The following KCNA2 variants were observed in gnomAD, a reference collection of about 807,000 sequenced individuals.
The protein encoded by KCNA2 is potassium channel, voltage gated shaker related subfamily A, member 2.
Under a neutral mutation model 33.4 loss-of-function variants are expected in KCNA2, and 11 were observed. That is an observed-to-expected ratio of 0.33 (90% CI 0.21 to 0.55). The LOEUF (loss-of-function observed/expected upper bound fraction) is 0.55, where lower values mean the gene tolerates loss of function less well. Among genes scored for constraint, KCNA2 ranks in the 20% least tolerant of loss-of-function variants. KCNA2 has a pLI of 0.93. For missense variants in KCNA2, 291 were observed against 621.6 expected, an observed-to-expected ratio of 0.47 and a Z score of 5.66; for synonymous variants, 222 against 231.3, an observed-to-expected ratio of 0.96 and a Z score of 0.37.
chr1:110,601,960 A>G lies in KCNA2; in HGVS notation c.*1323T>C. 2.0e-6 allele frequency: 3 copies of G among 1,508,012 alleles called. No homozygotes were observed. The highest frequency in any genetic ancestry group is 1.8e-6 in the Non-Finnish European group (2 of 1,125,592). 93.4% of individuals were successfully genotyped at this position (1,508,012 alleles called of 1,614,324 possible). A position where few individuals can be genotyped will look rare whatever the true frequency, so the allele number is the denominator to read the frequency against. The stretch of plus-strand genomic sequence containing the variant: ...GTTCAAATGCAATTTCTTTTCTATC[A>G]CTAGCTAGGTAGAGGAACGCGTGAA... On this transcript the variant is annotated 3_prime_UTR_variant, in exon 3 of 3. Transcript: ENST00000316361.
At chr1:110,626,558 T>C (rs1650396961) in intron 1 of KCNA2, among the ~76,000 whole-genome samples, 2 of 152,182 alleles carry the variant, frequency 1.3e-5, no homozygotes, top group Admixed American at 1.3e-4. Context: ...ATTTATTATT[T>C]TGGTTTTTTG....
chr1:110,600,359 C>T lies in KCNA2; in HGVS notation c.*2924G>A. 1.0e-6 allele frequency: 1 copy of T among 983,690 alleles called. No homozygotes were observed. The highest frequency in any genetic ancestry group is 4.7e-5 in the South Asian group (1 of 21,152). 60.9% of individuals were successfully genotyped at this position (983,690 alleles called of 1,614,324 possible). A position where few individuals can be genotyped will look rare whatever the true frequency, so the allele number is the denominator to read the frequency against. On this transcript the variant is annotated 3_prime_UTR_variant, in exon 3 of 3. Coordinates refer to ENST00000316361, the MANE Select transcript of KCNA2 (RefSeq NM_004974.4). ...TATCTTATATGCATATGCATTTTGT[C>T]CATGTAGTTTTTTATGTATTTTGCA...
At position 110,598,984 on chromosome 1, in the gene KCNA2, G is replaced by A; in HGVS notation, c.*4299C>T. 1 of 985,408 alleles carries A rather than the reference G, an allele frequency of 1.0e-6. No homozygotes were observed. The highest frequency in any genetic ancestry group is 1.2e-6 in the Non-Finnish European group (1 of 829,936). 61.0% of individuals were successfully genotyped at this position (985,408 alleles called of 1,614,324 possible). A position where few individuals can be genotyped will look rare whatever the true frequency, so the allele number is the denominator to read the frequency against. ...AAATGAATCCACAGAGGCACTTGATGAAGCCAACAGGAATGGTACCTTGAC... is the reference window on the plus strand; with the variant it reads ...AAATGAATCCACAGAGGCACTTGATAAAGCCAACAGGAATGGTACCTTGAC... On this transcript the variant is annotated 3_prime_UTR_variant, in exon 3 of 3. Coordinates refer to ENST00000316361, the MANE Select transcript of KCNA2 (RefSeq NM_004974.4).
rs1649419157 is a variant in KCNA2, at chr1:110,602,847, C to T, written c.*436G>A. The T allele has an allele frequency of 1.0e-6, 1 of 1,003,710 alleles. No homozygotes were observed. Among genetic ancestry groups the T allele is most frequent in the African/African-American group, 1.7e-5 (1 of 57,642 alleles). 62.2% of individuals were successfully genotyped at this position (1,003,710 alleles called of 1,614,324 possible). Reference sequence around the variant, plus strand: ...ATGAGTATGACCTTTTGAACAAACACCAGCTATTTAAAGCTAAGCCATGAT... The same window carrying T: ...ATGAGTATGACCTTTTGAACAAACATCAGCTATTTAAAGCTAAGCCATGAT... On this transcript the variant is annotated 3_prime_UTR_variant, in exon 3 of 3. Transcript: ENST00000316361.
intron 1 of KCNA2, among the ~76,000 whole-genome samples, chr1:110,619,260 G>C (rs560503424): frequency 3.3e-5 from 5 of 152,218 alleles, no homozygotes; most frequent in African/African-American, 1.2e-4. Context: ...TCCTTTATGG[G>C]GCCTCTGCTT....
chr1:110,610,563 C>T (rs1649830774), upstream of KCNA2, among the ~76,000 whole-genome samples: 1 of 152,202 alleles, frequency 6.6e-6, no homozygotes, highest in Admixed American at 6.5e-5. Flanking sequence ...TACTGAAGCT[C>T]AGAGAGGACC....
At chr1:110,613,448 C>G (rs1053942232) in intron 1 of KCNA2, among the ~76,000 whole-genome samples, 1 of 152,258 alleles carries the variant, frequency 6.6e-6, no homozygotes, top group African/African-American at 2.4e-5. Flanking sequence ...CCAGCAAACA[C>G]CAGCAGATGC....
chr1:110,627,405 C>T (rs1650425925), intron 1 of KCNA2, among the ~76,000 whole-genome samples: 1 of 152,174 alleles, frequency 6.6e-6, no homozygotes, highest in South Asian at 2.1e-4. Context: ...ATCCACTGCC[C>T]ATGTTGAAGT....
Position 110,601,451 on chromosome 1 carries a change from G to A in KCNA2, c.*1832C>T, listed in dbSNP as rs1470380010. On this transcript the variant is annotated 3_prime_UTR_variant, in exon 3 of 3. Transcript: ENST00000316361. ...TAAGATCCAAGTGGCAAGGGAAGAG[G>A]TGAAAATGGAGATGATGAACAGGAT... The A allele has an allele frequency of 2.0e-6, 2 of 985,540 alleles. No individual in the cohort carries two copies. The highest frequency in any genetic ancestry group is 3.5e-5 in the African/African-American group (2 of 57,356). The allele number at this position is 985,540 out of a possible 1,614,324, so 61.0% of individuals were successfully genotyped here. A position where few individuals can be genotyped will look rare whatever the true frequency, so the allele number is the denominator to read the frequency against.
chr1:110,628,748 T>C (rs1650467325), intron 1 of KCNA2, among the ~76,000 whole-genome samples: 1 of 152,230 alleles, frequency 6.6e-6, no homozygotes, highest in African/African-American at 2.4e-5. Context: ...TTTGACACTC[T>C]AGACTTCCCA....
intron 1 of KCNA2, among the ~76,000 whole-genome samples, chr1:110,615,338 G>A (rs1438666202): frequency 6.6e-6 from 1 of 152,258 alleles, no homozygotes; most frequent in Admixed American, 6.5e-5. Context: ...GTAAACTCTT[G>A]TGTGGACAGG....
At chr1:110,618,424 C>T (rs144196352) in intron 1 of KCNA2, among the ~76,000 whole-genome samples, 2 of 152,286 alleles carry the variant, frequency 1.3e-5, no homozygotes, top group Non-Finnish European at 2.9e-5. Context: ...CTGACCTTGC[C>T]GTCCAGTTAG....
chr1:110,594,884 A>C lies in KCNA2; in HGVS notation c.*8399T>G. Reference sequence around the variant, plus strand: ...TCCTTGCCCTACACTTCATAGGCTAAAAAGGCAGTAATGTTAGCAGCTGAC... The same window carrying C: ...TCCTTGCCCTACACTTCATAGGCTACAAAGGCAGTAATGTTAGCAGCTGAC... On this transcript the variant is annotated 3_prime_UTR_variant, in exon 3 of 3. Transcript: ENST00000316361. 1 of 985,440 alleles carries C rather than the reference A, an allele frequency of 1.0e-6. No homozygotes were observed. The highest frequency in any genetic ancestry group is 1.2e-6 in the Non-Finnish European group (1 of 829,938). 61.0% of individuals were successfully genotyped at this position (985,440 alleles called of 1,614,324 possible).
chr1:110,623,842 A>G (rs571750807), intron 1 of KCNA2, among the ~76,000 whole-genome samples: 3 of 152,356 alleles, frequency 2.0e-5, no homozygotes, highest in Non-Finnish European at 4.4e-5. Context: ...ACTAATGGAT[A>G]ATAAGCACAT....
Position 110,603,892 on chromosome 1 carries a change from C to G in KCNA2, c.891G>C (p.Arg297=), listed in dbSNP as rs538914802. ...TGAAAATCCTAAAGACTCTTACCAA[C>G]CGGATGACACGGAGGATGGCCAGTG... is the stretch of plus-strand genomic sequence containing the variant. ...AMSLAILRVI[R]LVRVFRIFKL... Residue 297 remains arginine (R), a synonymous_variant, in exon 3 of 3, where the codon CGG becomes CGC. Coordinates refer to ENST00000316361, the MANE Select transcript of KCNA2 (RefSeq NM_004974.4). The surrounding 1 kb of genome is among the most constrained non-coding windows in gnomAD (Gnocchi z 5.7). The G allele has an allele frequency of 3.1e-6, 5 of 1,614,184 alleles. No individual in the cohort carries two copies. Among genetic ancestry groups the G allele is most frequent in the Non-Finnish European group, 4.2e-6 (5 of 1,180,022 alleles).
In KCNA2 at chr1:110,600,762, T is replaced by A; in HGVS notation, c.*2521A>T. Reference sequence around the variant, plus strand: ...CTTGGAAATTCAGCACCACCTCCCATGAAGGAGAGGAAGAGAAGCACAGAG... The same window carrying A: ...CTTGGAAATTCAGCACCACCTCCCAAGAAGGAGAGGAAGAGAAGCACAGAG... On this transcript the variant is annotated 3_prime_UTR_variant, in exon 3 of 3. Coordinates refer to ENST00000316361, the MANE Select transcript of KCNA2 (RefSeq NM_004974.4). The A allele has an allele frequency of 1.0e-6, 1 of 985,292 alleles. No homozygotes were observed. The highest frequency in any genetic ancestry group is 1.2e-6 in the Non-Finnish European group (1 of 829,850). The allele number at this position is 985,292 out of a possible 1,614,324, so 61.0% of individuals were successfully genotyped here.
intron 1 of KCNA2, among the ~76,000 whole-genome samples, chr1:110,620,053 CGAGA>C (rs3050013): frequency 0.025 from 3,154 of 126,724 alleles, 39 homozygotes; most frequent in Middle Eastern, 0.044. Context: ...AGAGCGAGAG[CGAGA>C]GAGAGAGAGA....
rs140532881 is a variant in KCNA2 at position 110,615,206 on chromosome 1, C to A, written c.-495-9484G>T. ...CCAAAGGCGACCTGTAAGATCACAG[C>A]AGGGCCCGCCTGCCACACACCACTT... On this transcript the variant is annotated intron_variant, in intron 1 of 4. Transcript: ENST00000369770. 1.0e-2 allele frequency among the ~76,000 whole-genome samples: 1,519 copies of A among 152,268 alleles called. 31 individuals carry two copies. Among genetic ancestry groups the A allele is most frequent in the African/African-American group, 0.035 (1,448 of 41,538 alleles).
At position 110,597,194 on chromosome 1, in the gene KCNA2, T is replaced by C. The variant is rs1463980827; in HGVS notation, c.*6089A>G. ...ATCTGCCCAGGCTACTGATCCCAAG[T>C]GCAAACCTCCAGGCCACATTCCCTC... is the stretch of plus-strand genomic sequence containing the variant. On this transcript the variant is annotated 3_prime_UTR_variant, in exon 3 of 3. Transcript: ENST00000316361. The C allele has an allele frequency of 1.2e-5, 12 of 985,220 alleles. No individual in the cohort carries two copies. Among genetic ancestry groups the C allele is most frequent in the Admixed American group, 6.2e-5 (1 of 16,260 alleles). The allele number at this position is 985,220 out of a possible 1,614,324, so 61.0% of individuals were successfully genotyped here.
Sources: allele counts gnomAD v4.1 joint callset (sites outside exome capture counted in the v4.1 genomes callset), GRCh38; gene constraint gnomAD v4.1.1; non-coding constraint Gnocchi (gnomAD v3.1); transcripts MANE v1.5; gene names NCBI Gene and HGNC (gene_info 2026-07-23, HGNC 2026-07-21).